Variants in PRLR observed in about 807,000 individuals in gnomAD.
PRLR encodes prolactin receptor.
PRLR carries 13 observed loss-of-function variants against 40.2 expected under a neutral mutation model. The ratio of observed to expected loss-of-function variants is 0.32; its 90% CI spans 0.21 to 0.51. The LOEUF is 0.51. Ranked by LOEUF, PRLR falls within the 20% of genes least tolerant of loss-of-function variation. The probability of loss-of-function intolerance (pLI) is 0.97; values close to 1 mark genes in which losing one functional copy is unlikely to be tolerated. For missense variants in PRLR, 656 were observed against 747.3 expected (o/e 0.88, Z 1.42); for synonymous variants, 269 against 278.7 (o/e 0.97, Z 0.35).
At chr5:35,157,036 C>G (rs1414884155) in intron 1 of PRLR, among the ~76,000 whole-genome samples, 2 of 151,890 alleles carry the variant, frequency 1.3e-5, no homozygotes, top group Admixed American at 6.5e-5. Context: ...AGTCCATGAG[C>G]TTGGCTTTGA....
At chr5:35,052,982 G>A (rs905217081), downstream of PRLR, among the ~76,000 whole-genome samples, 5 of 152,180 alleles carry the variant, frequency 3.3e-5, no homozygotes, top group African/African-American at 1.2e-4. Flanking sequence ...AAATAAATTT[G>A]TATGCCTTTT....
At chr5:35,112,114 T>C (rs754721092) in intron 2 of PRLR, among the ~76,000 whole-genome samples, 16 of 152,218 alleles carry the variant, frequency 1.1e-4, no homozygotes, top group Non-Finnish European at 2.4e-4. Context: ...TCAGGGTGAA[T>C]GGCTGAGCCT....
chr5:35,133,841 G>A (rs1198744759), intron 1 of PRLR, among the ~76,000 whole-genome samples: 1 of 152,200 alleles, frequency 6.6e-6, no homozygotes, highest in Non-Finnish European at 1.5e-5. Context: ...TCATGAGAAT[G>A]TGCTGGCAAA....
At chr5:35,225,203 G>A (rs550125255) in intron 1 of PRLR, among the ~76,000 whole-genome samples, 13 of 152,264 alleles carry the variant, frequency 8.5e-5, no homozygotes, top group Non-Finnish European at 1.8e-4. Flanking sequence ...ATTGTAGGAC[G>A]TTTGAAAGCC....
At chr5:35,142,035 T>C (rs776059934) in intron 1 of PRLR, among the ~76,000 whole-genome samples, 1 of 152,200 alleles carries the variant, frequency 6.6e-6, no homozygotes, top group Non-Finnish European at 1.5e-5. Context: ...AAATGGCAAT[T>C]CTCGAATGTT....
intron 1 of PRLR, among the ~76,000 whole-genome samples, chr5:35,218,258 A>C (rs1196896888): frequency 1.3e-5 from 2 of 152,190 alleles, no homozygotes; most frequent in African/African-American, 4.8e-5. Flanking sequence ...TTTTAAAATA[A>C]CATTTTTTTG....
At chr5:35,106,517 A>G (rs1772263481) in intron 2 of PRLR, among the ~76,000 whole-genome samples, 1 of 152,228 alleles carries the variant, frequency 6.6e-6, no homozygotes, top group South Asian at 2.1e-4. Flanking sequence ...GCTCAAAATA[A>G]AGGGATGGAG....
intron 1 of PRLR, among the ~76,000 whole-genome samples, chr5:35,148,187 C>A (rs1050335788): frequency 6.6e-6 from 1 of 152,014 alleles, no homozygotes; most frequent in African/African-American, 2.4e-5. Context: ...GTTATTTTTG[C>A]CTTAATTATC....
intron 1 of PRLR, among the ~76,000 whole-genome samples, chr5:35,123,901 C>T (rs1320365989): frequency 1.3e-5 from 2 of 152,158 alleles, no homozygotes; most frequent in East Asian, 3.9e-4. Context: ...AGTTCCTCTG[C>T]TCTTTTCACT....
intron 2 of PRLR, among the ~76,000 whole-genome samples, chr5:35,111,526 C>G (rs137883422): frequency 1.3e-3 from 195 of 152,210 alleles, no homozygotes; most frequent in African/African-American, 4.5e-3. Context: ...TGAACAGAAA[C>G]AAAAACAATT....
intron 1 of PRLR, chr5:35,130,401 G>A (rs552670940): frequency 6.6e-6 from 1 of 152,284 alleles, no homozygotes; most frequent in South Asian, 2.1e-4. Context: ...TGAGTCATGA[G>A]TCCCTTTCAC....
chr5:35,082,955 T>C (rs1414101906), intron 5 of PRLR, among the ~76,000 whole-genome samples: 1 of 152,186 alleles, frequency 6.6e-6, no homozygotes, highest in Non-Finnish European at 1.5e-5. Context: ...TACTTTTCTT[T>C]AGTGAGTCCC....
chr5:35,085,413 A>G (rs1770786265), intron 4 of PRLR, among the ~76,000 whole-genome samples: 1 of 152,240 alleles, frequency 6.6e-6, no homozygotes, highest in Non-Finnish European at 1.5e-5. Flanking sequence ...TCCTTTCTGA[A>G]GAAGAATGCA....
At chr5:35,220,423 T>C (rs1776386681) in intron 1 of PRLR, among the ~76,000 whole-genome samples, 1 of 152,218 alleles carries the variant, frequency 6.6e-6, no homozygotes, top group Non-Finnish European at 1.5e-5. Flanking sequence ...AGTACTGATG[T>C]GCTAGCTTGA....
At chr5:35,158,989 T>C (rs929826936) in intron 1 of PRLR, among the ~76,000 whole-genome samples, 1 of 152,224 alleles carries the variant, frequency 6.6e-6, no homozygotes, top group African/African-American at 2.4e-5. Context: ...TTATTTTTGC[T>C]TAGCTCTGTT....
intron 7 of PRLR, 82 bp downstream of exon 7, chr5:35,070,042 T>A (rs1769645510): frequency 4.8e-6 from 7 of 1,462,488 alleles, no homozygotes; most frequent in African/African-American, 4.3e-5. Flanking sequence ...CAAAATGGTT[T>A]CTCTATTAGT....
intron 1 of PRLR, among the ~76,000 whole-genome samples, chr5:35,168,670 T>C (rs1241835516): frequency 2.0e-5 from 3 of 152,150 alleles, no homozygotes; most frequent in Non-Finnish European, 4.4e-5. Context: ...TAAAAGTATT[T>C]CATTCCAAAA....
At chr5:35,103,118 C>G (rs972881400) in intron 2 of PRLR, among the ~76,000 whole-genome samples, 2 of 152,142 alleles carry the variant, frequency 1.3e-5, no homozygotes, top group Non-Finnish European at 2.9e-5. Flanking sequence ...CTATTTTGCT[C>G]AAAAACCTAT....
intron 1 of PRLR, among the ~76,000 whole-genome samples, chr5:35,212,558 T>A (rs1331375036): frequency 6.6e-6 from 1 of 152,206 alleles, no homozygotes; most frequent in Non-Finnish European, 1.5e-5. Context: ...GGGACTTCCC[T>A]TTTTTCCCCC....
Sources: allele counts gnomAD v4.1 joint callset (sites outside exome capture counted in the v4.1 genomes callset), GRCh38; gene constraint gnomAD v4.1.1; transcripts MANE v1.5; gene names NCBI Gene and HGNC (gene_info 2026-07-23, HGNC 2026-07-21).